The following ADAMTSL1 variants were observed in gnomAD, a reference collection of about 807,000 sequenced individuals.
ADAMTSL1 encodes ADAMTS-like protein 1.
ADAMTSL1 carries 126 observed loss-of-function variants against 201.8 expected under a neutral mutation model. The ratio of observed to expected loss-of-function variants is 0.62; its 90% CI spans 0.54 to 0.72. The LOEUF is 0.72. Ranked by LOEUF, ADAMTSL1 falls within the 30% of genes least tolerant of loss-of-function variation. The probability of loss-of-function intolerance (pLI) is 0.00; values close to 1 mark genes in which losing one functional copy is unlikely to be tolerated. For synonymous variants in ADAMTSL1, 1,121 were observed against 903.4 expected, an observed-to-expected ratio of 1.24 and a Z score of -4.32; for missense variants, 2,679 against 2,277.8, an observed-to-expected ratio of 1.18 and a Z score of -3.59.
At chr9:18,016,659 C>A (rs972390669) in intron 1 of ADAMTSL1, among the ~76,000 whole-genome samples, 4 of 152,012 alleles carry the variant, frequency 2.6e-5, no homozygotes, top group African/African-American at 9.7e-5. Context: ...AAGAAAGAGA[C>A]TCAGTTACAT....
chr9:18,415,299 T>C (rs1367621750), intron 2 of ADAMTSL1, among the ~76,000 whole-genome samples: 2 of 152,194 alleles, frequency 1.3e-5, no homozygotes, highest in African/African-American at 4.8e-5. Flanking sequence ...TAAAACAGTT[T>C]ATATGATTGT....
At chr9:17,960,657 T>C (rs1206528865) in intron 1 of ADAMTSL1, among the ~76,000 whole-genome samples, 4 of 152,222 alleles carry the variant, frequency 2.6e-5, no homozygotes, top group Non-Finnish European at 4.4e-5. Flanking sequence ...TTCCTTAATG[T>C]CTAATAGCCC....
intron 1 of ADAMTSL1, among the ~76,000 whole-genome samples, chr9:17,918,948 C>G (rs1272431108): frequency 6.6e-6 from 1 of 151,790 alleles, no homozygotes; most frequent in African/African-American, 2.4e-5. Context: ...TAGTAATGGT[C>G]TGTGCTCTAA....
chr9:18,028,143 CTGTTTAAATTCAAGG>C (rs1258451528), intron 1 of ADAMTSL1, among the ~76,000 whole-genome samples: 2 of 151,796 alleles, frequency 1.3e-5, no homozygotes, highest in African/African-American at 4.8e-5. Flanking sequence ...GAGTGTTAGG[CTGTTTAAATTCAAGG>C]TTACTATTGG....
At chr9:18,870,933 TTC>T (rs1827842005) in intron 23 of ADAMTSL1, among the ~76,000 whole-genome samples, 1 of 152,196 alleles carries the variant, frequency 6.6e-6, no homozygotes, top group Non-Finnish European at 1.5e-5. Flanking sequence ...GATCTATTCA[TTC>T]TGTTTTGCAA....
chr9:17,941,839 T>TTGAGGTTTGATGAGGGTTTGA (rs1827251621), intron 1 of ADAMTSL1, among the ~76,000 whole-genome samples: 1 of 152,014 alleles, frequency 6.6e-6, no homozygotes, highest in African/African-American at 2.4e-5. Flanking sequence ...GCTAGCAGAT[T>TTGAGGTTTGATGAGGGTTTGA]TGAGGTTTGA....
intron 20 of ADAMTSL1, among the ~76,000 whole-genome samples, chr9:18,809,455 A>G (rs531481248): frequency 4.6e-5 from 7 of 152,152 alleles, no homozygotes; most frequent in Non-Finnish European, 1.0e-4. Flanking sequence ...TAGGTGATAT[A>G]GACCACTGGG....
intron 1 of ADAMTSL1, among the ~76,000 whole-genome samples, chr9:18,088,499 C>T (rs1352384472): frequency 2.0e-5 from 3 of 152,158 alleles, no homozygotes; most frequent in East Asian, 3.9e-4. Context: ...ATTATATATT[C>T]GATAAGGAGT....
chr9:18,162,527 T>G (rs1230638965), intron 1 of ADAMTSL1, among the ~76,000 whole-genome samples: 1 of 152,024 alleles, frequency 6.6e-6, no homozygotes, highest in Non-Finnish European at 1.5e-5. Context: ...AACAGAATTT[T>G]AAGTTTAATT....
intron 2 of ADAMTSL1, among the ~76,000 whole-genome samples, chr9:18,185,164 G>A (rs569823726): frequency 6.6e-6 from 1 of 152,186 alleles, no homozygotes; most frequent in South Asian, 2.1e-4. Flanking sequence ...TTGAGTGTGG[G>A]CAGAATCTGT....
chr9:18,404,268 G>A (rs1003604831), intron 2 of ADAMTSL1, among the ~76,000 whole-genome samples: 1 of 151,942 alleles, frequency 6.6e-6, no homozygotes, highest in African/African-American at 2.4e-5. Context: ...TCAATTTATT[G>A]GGCATGATTA....
At chr9:18,807,553 G>A (rs1823225496) in intron 20 of ADAMTSL1, among the ~76,000 whole-genome samples, 1 of 151,500 alleles carries the variant, frequency 6.6e-6, no homozygotes, top group South Asian at 2.1e-4. Context: ...CCTGAGGCGG[G>A]AGAACCGGCG....
chr9:18,197,966 G>A (rs200895815), intron 2 of ADAMTSL1, among the ~76,000 whole-genome samples: 9 of 151,984 alleles, frequency 5.9e-5, no homozygotes, highest in South Asian at 2.1e-4. Context: ...TATCTACAAC[G>A]ATCTGATCTT....
chr9:18,860,161 A>G (rs1338607719), intron 23 of ADAMTSL1, among the ~76,000 whole-genome samples: 1 of 152,216 alleles, frequency 6.6e-6, no homozygotes, highest in East Asian at 1.9e-4. Context: ...AACAAGTTGG[A>G]TCTTTTAATT....
At chr9:18,372,725 C>T (rs998576605) in intron 2 of ADAMTSL1, among the ~76,000 whole-genome samples, 6 of 152,158 alleles carry the variant, frequency 3.9e-5, no homozygotes, top group African/African-American at 1.4e-4. Flanking sequence ...TCCCATCTAT[C>T]GTAGAGATAA....
At chr9:18,153,197 A>G (rs564238072) in intron 1 of ADAMTSL1, among the ~76,000 whole-genome samples, 127 of 152,140 alleles carry the variant, frequency 8.3e-4, no homozygotes, top group Non-Finnish European at 1.1e-3. Context: ...AACTCTTTGA[A>G]GAGACAACCC....
chr9:18,375,982 A>G (rs962339373), intron 2 of ADAMTSL1, among the ~76,000 whole-genome samples: 8 of 152,060 alleles, frequency 5.3e-5, no homozygotes, highest in Admixed American at 1.3e-4. Context: ...TGATTGGTGC[A>G]TTTTACAATC....
At chr9:18,638,699 C>T (rs1587764653) in intron 6 of ADAMTSL1, among the ~76,000 whole-genome samples, 1 of 152,190 alleles carries the variant, frequency 6.6e-6, no homozygotes, top group African/African-American at 2.4e-5. Context: ...AAAGAAAATA[C>T]TGAAAATGAT....
intron 1 of ADAMTSL1, among the ~76,000 whole-genome samples, chr9:18,034,090 C>T (rs752332166): frequency 7.9e-5 from 12 of 152,036 alleles, no homozygotes; most frequent in Non-Finnish European, 1.6e-4. Flanking sequence ...CAATTGTTTC[C>T]TTATATCTCT....
Sources: gnomAD v4.1 joint callset for allele counts (sites outside exome capture counted in the v4.1 genomes callset) on GRCh38, gnomAD v4.1.1 for gene constraint, MANE v1.5 for transcripts, NCBI Gene and HGNC (gene_info 2026-07-23, HGNC 2026-07-21) for gene names.